The following ANKUB1 variants were observed in gnomAD, a reference collection of about 807,000 sequenced individuals.
ANKUB1 encodes the protein ankyrin repeat and ubiquitin domain containing 1, also known as protein ANKUB1.
A neutral mutation model predicts 49.3 loss-of-function variants in ANKUB1; 42 were observed. The observed-to-expected ratio is 0.85, with a 90% confidence interval of 0.67 to 1.10. ANKUB1 has a LOEUF of 1.10. Ranked by LOEUF, ANKUB1 falls within the 50% of genes least tolerant of loss-of-function variation. The probability of loss-of-function intolerance (pLI) is 0.00; values close to 1 mark genes in which losing one functional copy is unlikely to be tolerated. For synonymous variants in ANKUB1, 222 were observed against 231.0 expected, an observed-to-expected ratio of 0.96 and a Z score of 0.35; for missense variants, 613 against 642.0, an observed-to-expected ratio of 0.95 and a Z score of 0.49.
At chr3:149,777,476 AAACAACAAC>A (rs34938958) in intron 3 of ANKUB1, among the ~76,000 whole-genome samples, 3 of 150,940 alleles carry the variant, frequency 2.0e-5, no homozygotes, top group South Asian at 2.1e-4. Context: ...ACTCAAAAAC[AAACAACAAC>A]AACAACAACA....
intron 2 of ANKUB1, among the ~76,000 whole-genome samples, chr3:149,785,051 G>C (rs1459856729): frequency 6.6e-6 from 1 of 152,122 alleles, no homozygotes; most frequent in Non-Finnish European, 1.5e-5. Flanking sequence ...TAGTGCCTCT[G>C]CATGTTGTAC....
chr3:149,781,001 CTTT>C (rs370353150), intron 2 of ANKUB1, among the ~76,000 whole-genome samples: 8 of 132,786 alleles, frequency 6.0e-5, no homozygotes, highest in East Asian at 2.2e-4. Context: ...GTCTGTCTTC[CTTT>C]TTTTTTTTTT....
At chr3:149,783,167 G>A (rs1021502565) in intron 2 of ANKUB1, 3 of 152,084 alleles carry the variant, frequency 2.0e-5, no homozygotes, top group Non-Finnish European at 4.4e-5. Context: ...TTTCTAATTT[G>A]GTTGTATGAC....
At chr3:149,764,682 T>TTCC (rs1198204746) in intron 5 of ANKUB1, among the ~76,000 whole-genome samples, 4 of 146,894 alleles carry the variant, frequency 2.7e-5, no homozygotes, top group African/African-American at 1.0e-4. Flanking sequence ...TTTTCTTTCC[T>TTCC]TCCTTCCTTC....
chr3:149,773,264 GA>G (rs948483111), intron 3 of ANKUB1, among the ~76,000 whole-genome samples: 2 of 152,072 alleles, frequency 1.3e-5, no homozygotes, highest in African/African-American at 4.8e-5. Flanking sequence ...CTGTAATCTT[GA>G]AATGGGGCTC....
chr3:149,775,160 C>T (rs757372411), intron 3 of ANKUB1, among the ~76,000 whole-genome samples: 4 of 152,232 alleles, frequency 2.6e-5, no homozygotes, highest in East Asian at 1.9e-4. Context: ...AGGCAATCAT[C>T]TTCAACCTTG....
intron 2 of ANKUB1, among the ~76,000 whole-genome samples, chr3:149,788,409 G>C (rs1418191147): frequency 6.6e-6 from 1 of 151,570 alleles, no homozygotes; most frequent in Non-Finnish European, 1.5e-5. Flanking sequence ...TTGAGACAGG[G>C]TCTCACTCTC....
intron 3 of ANKUB1, among the ~76,000 whole-genome samples, chr3:149,772,098 C>T (rs1176651863): frequency 2.0e-5 from 3 of 149,882 alleles, no homozygotes; most frequent in Non-Finnish European, 4.4e-5. Flanking sequence ...AATCTTGGCT[C>T]ACTGCAACCT....
chr3:149,787,169 G>C (rs1342694599), intron 2 of ANKUB1, among the ~76,000 whole-genome samples: 2 of 152,104 alleles, frequency 1.3e-5, no homozygotes, highest in Admixed American at 1.3e-4. Flanking sequence ...TGGGCTGTAT[G>C]GCCATTTTCA....
chr3:149,767,629 C>T lies in ANKUB1; in HGVS notation c.1033G>A (p.Asp345Asn), dbSNP rs1717106304. Residue 345 changes from aspartate (D) to asparagine (N), a missense_variant, in exon 5 of 6, where the codon GAC (aspartate) becomes AAC (asparagine). Transcript: ENST00000446160. ...GARVFGAKVG[D>N]TVMVDGFTKP... Reference sequence around the variant, plus strand: ...GTGAAACCATCCACCATCACAGTGTCTCCAACTTTTGCCCCAAAGACCCTT... The same window carrying T: ...GTGAAACCATCCACCATCACAGTGTTTCCAACTTTTGCCCCAAAGACCCTT... The T allele has an allele frequency of 6.4e-7, 1 of 1,551,608 alleles. No individual in the cohort carries two copies. The highest frequency in any genetic ancestry group is 1.4e-5 in the African/African-American group (1 of 73,054).
At chr3:149,789,088 T>C (rs1047628089) in intron 2 of ANKUB1, among the ~76,000 whole-genome samples, 1 of 152,160 alleles carries the variant, frequency 6.6e-6, no homozygotes, top group Non-Finnish European at 1.5e-5. Flanking sequence ...TACTTTTTAC[T>C]GTGTATCTTT....
intron 5 of ANKUB1, chr3:149,766,838 C>G: frequency 1.3e-6 from 1 of 770,336 alleles, no homozygotes; most frequent in Non-Finnish European, 1.7e-6. Context: ...GCAGCAGCAG[C>G]AGCAGCAGCA....
chr3:149,771,471 G>T (rs1464551843), intron 3 of ANKUB1, among the ~76,000 whole-genome samples: 1 of 152,124 alleles, frequency 6.6e-6, no homozygotes, highest in East Asian at 1.9e-4. Flanking sequence ...TGATTGAAAG[G>T]ATCTTCATCA....
intron 2 of ANKUB1, among the ~76,000 whole-genome samples, chr3:149,787,564 T>C (rs1459848226): frequency 6.6e-6 from 1 of 152,158 alleles, no homozygotes; most frequent in East Asian, 1.9e-4. Flanking sequence ...CCTTTATTTC[T>C]TTCTCTTGCC....
chr3:149,791,107 G>A (rs1003211384), intron 1 of ANKUB1, among the ~76,000 whole-genome samples, 183 bp from the exon 2 acceptor site: 1 of 152,158 alleles, frequency 6.6e-6, no homozygotes, highest in African/African-American at 2.4e-5. Flanking sequence ...GTAGAATTTA[G>A]ATGGGAAGAA....
At chr3:149,764,659 CTTCTTTCTTTCTTTTTCT>C (rs1716933441) in intron 5 of ANKUB1, among the ~76,000 whole-genome samples, 1 of 116,954 alleles carries the variant, frequency 8.6e-6, no homozygotes, top group Non-Finnish European at 1.8e-5. Context: ...TCTTTCCTTC[CTTCTTTCTTTCTTTTTCT>C]TTCCTTCCTT....
intron 3 of ANKUB1, among the ~76,000 whole-genome samples, chr3:149,775,257 C>A (rs79171762): frequency 0.027 from 4,085 of 152,222 alleles, 173 homozygotes; most frequent in African/African-American, 0.094. Context: ...TGGACTTTTT[C>A]TTCCTGAATA....
chr3:149,766,864 G>GCAGCAA (rs1717047735), intron 5 of ANKUB1: 1 of 1,105,864 alleles, frequency 9.0e-7, no homozygotes, highest in South Asian at 1.5e-5. Flanking sequence ...AGCAGCAGCA[G>GCAGCAA]CAGCAGCAGC....
intron 2 of ANKUB1, among the ~76,000 whole-genome samples, chr3:149,784,517 T>C (rs1718009849): frequency 6.6e-6 from 1 of 152,190 alleles, no homozygotes; most frequent in Non-Finnish European, 1.5e-5. Context: ...AGTGCCTGTT[T>C]TGAGGGCTCA....
Sources: allele counts gnomAD v4.1 joint callset (sites outside exome capture counted in the v4.1 genomes callset), GRCh38; gene constraint gnomAD v4.1.1; transcripts MANE v1.5; gene names NCBI Gene and HGNC (gene_info 2026-07-23, HGNC 2026-07-21).